The following SNX29 variants were observed in gnomAD, a reference collection of about 807,000 sequenced individuals.
The protein encoded by SNX29 is sorting nexin 29.
A neutral mutation model predicts 102.1 loss-of-function variants in SNX29; 78 were observed. The observed-to-expected ratio is 0.76, with a 90% CI of 0.64 to 0.92. The LOEUF (loss-of-function observed/expected upper bound fraction) is 0.92. SNX29 is among the 40% of genes least tolerant of loss of function. The pLI, the probability that SNX29 is intolerant of heterozygous loss-of-function variation, is 0.00. For missense variants in SNX29, 1,280 were observed against 1,061.7 expected, an observed-to-expected ratio of 1.21 and a Z score of -2.86; for synonymous variants, 580 against 414.5, an observed-to-expected ratio of 1.40 and a Z score of -4.85.
At chr16:12,504,499 C>A (rs1051373720) in intron 19 of SNX29, among the ~76,000 whole-genome samples, 10 of 152,324 alleles carry the variant, frequency 6.6e-5, no homozygotes, top group African/African-American at 2.2e-4. Context: ...GAATCATGCA[C>A]TGTGAACTCT....
intron 19 of SNX29, among the ~76,000 whole-genome samples, chr16:12,493,674 C>T (rs952590818): frequency 1.4e-4 from 22 of 152,190 alleles, no homozygotes; most frequent in African/African-American, 5.1e-4. Context: ...TCACTGCAAC[C>T]TCCGCTTCCT....
chr16:12,064,634 C>G (rs2050938372), intron 9 of SNX29, among the ~76,000 whole-genome samples: 1 of 152,224 alleles, frequency 6.6e-6, no homozygotes, highest in Admixed American at 6.5e-5. Context: ...AGGACTGTGT[C>G]AGGATGTTGG....
intron 18 of SNX29, among the ~76,000 whole-genome samples, chr16:12,428,831 T>G (rs2085192970): frequency 6.6e-6 from 1 of 152,010 alleles, no homozygotes; most frequent in South Asian, 2.1e-4. Context: ...TTCCAACACA[T>G]AATATATGAG....
chr16:11,979,893 C>T (rs1157729943), intron 1 of SNX29, among the ~76,000 whole-genome samples: 2 of 152,136 alleles, frequency 1.3e-5, no homozygotes, highest in Non-Finnish European at 2.9e-5. Flanking sequence ...CCACCTGCCT[C>T]AGCCCCACAA....
chr16:12,370,444 C>T (rs2082641568), intron 16 of SNX29, among the ~76,000 whole-genome samples: 1 of 152,140 alleles, frequency 6.6e-6, no homozygotes, highest in South Asian at 2.1e-4. Flanking sequence ...CCTGTAATCC[C>T]AGCTACTTGG....
chr16:12,035,205 T>C (rs1208230137), intron 4 of SNX29, among the ~76,000 whole-genome samples: 4 of 48,878 alleles, frequency 8.2e-5, no homozygotes, highest in South Asian at 8.1e-4. Flanking sequence ...GAAATTTCCC[T>C]TTTTTTTTTT....
At chr16:12,396,027 G>A (rs1567520265) in intron 16 of SNX29, among the ~76,000 whole-genome samples, 1 of 152,194 alleles carries the variant, frequency 6.6e-6, no homozygotes, top group Non-Finnish European at 1.5e-5. Context: ...TGGTACTCAT[G>A]TAGACACACA....
intron 14 of SNX29, among the ~76,000 whole-genome samples, chr16:12,208,637 A>G (rs546164318): frequency 1.7e-4 from 26 of 152,196 alleles, no homozygotes; most frequent in Middle Eastern, 6.8e-3. Flanking sequence ...GTGCCACTGC[A>G]CTGTAGTCTG....
intron 3 of SNX29, among the ~76,000 whole-genome samples, chr16:12,026,127 G>A (rs952434866): frequency 6.6e-6 from 1 of 152,190 alleles, no homozygotes; most frequent in African/African-American, 2.4e-5. Context: ...AGGCTGAGCC[G>A]GATGGTGGTG....
At chr16:12,168,720 AG>A (rs1425078692) in intron 13 of SNX29, among the ~76,000 whole-genome samples, 10 of 152,264 alleles carry the variant, frequency 6.6e-5, no homozygotes, top group African/African-American at 2.2e-4. Flanking sequence ...CTTTGCTGCT[AG>A]AATCTTCTTA....
intron 3 of SNX29, among the ~76,000 whole-genome samples, chr16:12,025,302 C>CAAAT (rs1555521451): frequency 5.0e-5 from 3 of 60,596 alleles, no homozygotes; most frequent in Non-Finnish European, 8.5e-5. Flanking sequence ...AACTCCATCT[C>CAAAT]AAAAAAAAAA....
In SNX29 at chr16:12,330,496, G is replaced by T. The variant is rs370509139; in HGVS notation, c.1783-25667G>T. ...TAGTTAACACTCACGCAATGCATCTGTGAGCCACGCTTTCACTGCGAACTG... is the reference window on the plus strand; with the variant it reads ...TAGTTAACACTCACGCAATGCATCTTTGAGCCACGCTTTCACTGCGAACTG... On this transcript the variant is annotated intron_variant, in intron 15 of 20. Coordinates refer to ENST00000566228, the MANE Select transcript of SNX29 (RefSeq NM_032167.5). 2.6e-5 allele frequency among the ~76,000 whole-genome samples: 4 copies of T among 152,314 alleles called. No homozygotes were observed. In the East Asian group the frequency reaches 5.8e-4, roughly 22 times the overall value.
At chr16:12,270,106 C>T (rs1185959227) in intron 14 of SNX29, among the ~76,000 whole-genome samples, 1 of 152,084 alleles carries the variant, frequency 6.6e-6, no homozygotes, top group Non-Finnish European at 1.5e-5. Context: ...AGTGATCCAC[C>T]CACCTTGGCC....
At chr16:12,438,538 A>G (rs992849261) in intron 18 of SNX29, among the ~76,000 whole-genome samples, 1 of 152,162 alleles carries the variant, frequency 6.6e-6, no homozygotes, top group African/African-American at 2.4e-5. Context: ...CTAGATTTGG[A>G]CATTCTTTTA....
At chr16:12,283,305 G>T (rs968229030) in intron 15 of SNX29, among the ~76,000 whole-genome samples, 1 of 151,538 alleles carries the variant, frequency 6.6e-6, no homozygotes, top group Admixed American at 6.6e-5. Flanking sequence ...TACCCTAGAT[G>T]GAGTTGTTTT....
intron 19 of SNX29, among the ~76,000 whole-genome samples, chr16:12,517,193 A>C (rs1217803370): frequency 6.6e-6 from 1 of 152,206 alleles, no homozygotes. Flanking sequence ...GAAGTCTGGC[A>C]GGTTCCATAC....
chr16:12,043,835 C>G (rs1224178246), intron 5 of SNX29, among the ~76,000 whole-genome samples: 2 of 152,180 alleles, frequency 1.3e-5, no homozygotes, highest in Admixed American at 6.5e-5. Flanking sequence ...CTCACTGCAA[C>G]CTCCGTCTCC....
chr16:12,544,207 C>A (rs554879037), intron 20 of SNX29, among the ~76,000 whole-genome samples: 1 of 152,192 alleles, frequency 6.6e-6, no homozygotes, highest in African/African-American at 2.4e-5. Context: ...GCTTCAGAAC[C>A]GTGACAGCCG....
chr16:12,302,321 A>G (rs961275517), intron 15 of SNX29, among the ~76,000 whole-genome samples: 5 of 152,202 alleles, frequency 3.3e-5, no homozygotes, highest in Non-Finnish European at 5.9e-5. Flanking sequence ...GCACACTTCT[A>G]TGTTTTTTGC....
Sources: allele counts gnomAD v4.1 joint callset (sites outside exome capture counted in the v4.1 genomes callset), GRCh38; gene constraint gnomAD v4.1.1; transcripts MANE v1.5; gene names NCBI Gene and HGNC (gene_info 2026-07-23, HGNC 2026-07-21).